Variants in SHB observed in about 807,000 individuals in gnomAD.
The protein encoded by SHB is SH2 domain containing adaptor protein B, also known as SH2 domain-containing adapter protein B.
SHB carries 20 observed loss-of-function variants against 52.3 expected under a neutral mutation model. The ratio of observed to expected loss-of-function variants is 0.38; its 90% CI spans 0.27 to 0.56. The LOEUF is 0.56. SHB is among the 20% of genes least tolerant of loss of function. The pLI is 0.71. For synonymous variants in SHB, 397 were observed against 316.5 expected, an observed-to-expected ratio of 1.25 and a Z score of -2.70; for missense variants, 825 against 723.3, an observed-to-expected ratio of 1.14 and a Z score of -1.61.
intron 5 of SHB, among the ~76,000 whole-genome samples, chr9:37,941,477 T>C (rs1256143269): frequency 6.6e-6 from 1 of 152,174 alleles, no homozygotes; most frequent in Admixed American, 6.5e-5. Context: ...CCCAGAGCCA[T>C]TGTCTTCACC....
At chr9:37,974,488 G>A (rs1376531895) in intron 3 of SHB, 134 bp downstream of exon 3, 2 of 717,890 alleles carry the variant, frequency 2.8e-6, no homozygotes, top group Non-Finnish European at 4.7e-6. Context: ...ACATCTGTGA[G>A]GGTACTGAGA....
intron 1 of SHB, among the ~76,000 whole-genome samples, chr9:38,028,476 C>T (rs2118107931): frequency 6.6e-6 from 1 of 152,298 alleles, no homozygotes; most frequent in Admixed American, 6.5e-5. Flanking sequence ...CAACCCCACA[C>T]ACAGAGAAGC....
rs977801330 is a variant in SHB, at chr9:37,957,042, C to T, written c.1055-988G>A. ...TCCTAAGCCTGCCAATGATTAGCTG[C>T]GAGCCTTGGCTACGCTATTGAACCT... On this transcript the variant is annotated intron_variant, in intron 3 of 5. Coordinates refer to ENST00000377707, the MANE Select transcript of SHB (RefSeq NM_003028.3). Among the ~76,000 whole-genome samples the T allele has an allele frequency of 5.9e-5, 9 of 152,202 alleles. 1 individual carries two copies. The highest frequency in any genetic ancestry group is 3.8e-4 in the East Asian group (2 of 5,198).
intron 3 of SHB, among the ~76,000 whole-genome samples, chr9:37,959,428 T>G (rs1416348548): frequency 6.6e-6 from 1 of 152,098 alleles, no homozygotes; most frequent in Non-Finnish European, 1.5e-5. Flanking sequence ...TGCCCTGGCA[T>G]AGGAAGGGGA....
intron 5 of SHB, among the ~76,000 whole-genome samples, chr9:37,947,686 T>C (rs1441766262): frequency 1.3e-5 from 2 of 152,132 alleles, no homozygotes; most frequent in African/African-American, 4.8e-5. Flanking sequence ...CTTCCTTGGT[T>C]TTACTGAAGC....
rs1189671056 is a variant in SHB at position 37,953,734 on chromosome 9, G to A, written c.1226+2149C>T. Reference sequence around the variant, plus strand: ...AGGTTCAGACTGGAAGGCGCCTCCTGAACTCTAGAACAGCATCAGTTCAGG... The same window carrying A: ...AGGTTCAGACTGGAAGGCGCCTCCTAAACTCTAGAACAGCATCAGTTCAGG... On this transcript the variant is annotated intron_variant, in intron 4 of 5. Transcript: ENST00000377707. Among the ~76,000 whole-genome samples, 7 of 152,278 alleles carry A rather than the reference G, an allele frequency of 4.6e-5. No homozygotes were observed. In the East Asian group the frequency reaches 1.4e-3, roughly 29 times the overall value.
chr9:37,929,654 GC>G lies in SHB; in HGVS notation c.1347-9651del, dbSNP rs111329160. ...AGCGTCTCCTCCAGTTGGGCAGCCT[GC>G]CTGGCTGGGGTGGGATACCTGGGTT... On this transcript the variant is annotated intron_variant, in intron 5 of 5. Coordinates refer to ENST00000377707, the MANE Select transcript of SHB (RefSeq NM_003028.3). 8.1e-4 allele frequency among the ~76,000 whole-genome samples: 123 copies of G among 152,374 alleles called. 1 individual carries two copies. The highest frequency in any genetic ancestry group is 2.7e-3 in the African/African-American group (114 of 41,594).
At chr9:37,959,573 G>A (rs1832672041) in intron 3 of SHB, among the ~76,000 whole-genome samples, 1 of 152,166 alleles carries the variant, frequency 6.6e-6, no homozygotes, top group Non-Finnish European at 1.5e-5. Context: ...GGGGATTTCT[G>A]CCAATATAAA....
At chr9:38,045,094 G>A (rs558379754) in intron 1 of SHB, among the ~76,000 whole-genome samples, 1 of 152,364 alleles carries the variant, frequency 6.6e-6, no homozygotes, top group East Asian at 1.9e-4. Context: ...TGTCATGGAA[G>A]GGATGGAGTA....
intron 1 of SHB, among the ~76,000 whole-genome samples, chr9:38,051,340 G>T (rs1821737081): frequency 6.6e-6 from 1 of 151,694 alleles, no homozygotes; most frequent in African/African-American, 2.4e-5. Context: ...CTACTCGGGA[G>T]GCTGAGGCAG....
At chr9:37,975,190 A>G (rs1247292689) in intron 2 of SHB, among the ~76,000 whole-genome samples, 2 of 152,120 alleles carry the variant, frequency 1.3e-5, no homozygotes, top group Non-Finnish European at 2.9e-5. Flanking sequence ...CTTGCTTCAT[A>G]AACAGGCTGG....
intron 1 of SHB, among the ~76,000 whole-genome samples, chr9:38,040,959 G>A (rs555018412): frequency 6.6e-6 from 1 of 152,124 alleles, no homozygotes; most frequent in Non-Finnish European, 1.5e-5. Context: ...GGGCTGGGGT[G>A]GAAGATACTG....
rs916084760 is a variant in SHB at position 38,043,612 on chromosome 9, G to C, written c.717+24317C>G. Among the ~76,000 whole-genome samples, 3 of 152,174 alleles carry C rather than the reference G, an allele frequency of 2.0e-5. No homozygotes were observed. In the South Asian group the frequency reaches 6.2e-4, roughly 32 times the overall value. On this transcript the variant is annotated intron_variant, in intron 1 of 5. Coordinates refer to ENST00000377707, the MANE Select transcript of SHB (RefSeq NM_003028.3). ...GCCATAGAAATCATCCACCCTGGCC[G>C]GGTGCAGTGGCTCACACCTGTAATC...
chr9:38,013,168 C>T (rs1043582570), intron 2 of SHB, among the ~76,000 whole-genome samples: 1 of 152,212 alleles, frequency 6.6e-6, no homozygotes, highest in Non-Finnish European at 1.5e-5. Context: ...AACTAGGGCA[C>T]AGCTGCCAAG....
At chr9:38,037,884 C>T (rs1821509197) in intron 1 of SHB, among the ~76,000 whole-genome samples, 2 of 152,180 alleles carry the variant, frequency 1.3e-5, no homozygotes, top group Admixed American at 6.5e-5. Flanking sequence ...ATAGGCATGA[C>T]ACAAGGTGGC....
At chr9:37,994,616 G>A (rs962379484) in intron 2 of SHB, among the ~76,000 whole-genome samples, 3 of 152,180 alleles carry the variant, frequency 2.0e-5, no homozygotes, top group Non-Finnish European at 2.9e-5. Context: ...ATTTCATGGC[G>A]CTGTTTAAAA....
intron 5 of SHB, among the ~76,000 whole-genome samples, chr9:37,924,966 G>C (rs1003793188): frequency 4.6e-5 from 7 of 152,222 alleles, no homozygotes; most frequent in Non-Finnish European, 1.0e-4. Flanking sequence ...TCTGCCCCAA[G>C]ATCTGGCTTC....
At chr9:37,994,067 G>A (rs964784341) in intron 2 of SHB, among the ~76,000 whole-genome samples, 1 of 152,216 alleles carries the variant, frequency 6.6e-6, no homozygotes, top group Non-Finnish European at 1.5e-5. Context: ...GGAACCATAG[G>A]CGGCTGATTG....
intron 2 of SHB, among the ~76,000 whole-genome samples, chr9:37,977,696 T>C (rs1299122141): frequency 2.0e-5 from 3 of 152,206 alleles, no homozygotes. Context: ...ACTTATTGTC[T>C]TGTAGGGTCC....
Sources: gnomAD v4.1 joint callset for allele counts (sites outside exome capture counted in the v4.1 genomes callset) on GRCh38, gnomAD v4.1.1 for gene constraint, MANE v1.5 for transcripts, NCBI Gene and HGNC (gene_info 2026-07-23, HGNC 2026-07-21) for gene names.